WWOX: variants seen among roughly 807,000 people sequenced by gnomAD.
WWOX encodes the protein WW domain containing oxidoreductase.
Under a neutral mutation model 46.2 loss-of-function variants are expected in WWOX, and 69 were observed. The ratio of observed to expected loss-of-function variants is 1.49; its 90% CI spans 1.23 to 1.82. The LOEUF is 1.82. WWOX is among the 40% of genes most tolerant of loss of function. WWOX has a pLI of 0.00. For missense variants in WWOX, 919 were observed against 542.6 expected (o/e 1.69, Z -6.89); for synonymous variants, 359 against 202.6 (o/e 1.77, Z -6.56).
At chr16:78,740,011 G>T (rs755303079) in intron 8 of WWOX, among the ~76,000 whole-genome samples, 5 of 152,090 alleles carry the variant, frequency 3.3e-5, no homozygotes, top group Non-Finnish European at 7.4e-5. Context: ...GTCGAGCCCT[G>T]TGGTGTGCCT....
intron 8 of WWOX, among the ~76,000 whole-genome samples, chr16:79,201,158 G>T (rs2051342018): frequency 6.6e-6 from 1 of 152,042 alleles, no homozygotes; most frequent in South Asian, 2.1e-4. Flanking sequence ...TCTGGCTTCA[G>T]CACAGGGGAT....
At chr16:78,964,164 T>A (rs368474736) in intron 8 of WWOX, among the ~76,000 whole-genome samples, 4 of 152,152 alleles carry the variant, frequency 2.6e-5, no homozygotes, top group African/African-American at 9.7e-5. Flanking sequence ...TGAAAAGATA[T>A]CTGAAAATGT....
intron 8 of WWOX, among the ~76,000 whole-genome samples, chr16:78,697,905 G>A (rs189892727): frequency 6.6e-6 from 1 of 152,154 alleles, no homozygotes; most frequent in African/African-American, 2.4e-5. Context: ...AAGAGGTTTA[G>A]TAATGTGCTT....
chr16:78,822,662 T>G (rs1452786484), intron 8 of WWOX, among the ~76,000 whole-genome samples: 2 of 152,224 alleles, frequency 1.3e-5, no homozygotes, highest in South Asian at 4.1e-4. Flanking sequence ...TTTGAATCTT[T>G]CCATGATGAG....
chr16:78,949,502 G>T (rs193241273), intron 8 of WWOX, among the ~76,000 whole-genome samples: 1 of 152,242 alleles, frequency 6.6e-6, no homozygotes, highest in African/African-American at 2.4e-5. Context: ...TGCTTTTGTG[G>T]GATGATGAGT....
chr16:79,006,842 T>C (rs1392071281), intron 8 of WWOX, among the ~76,000 whole-genome samples: 1 of 152,188 alleles, frequency 6.6e-6, no homozygotes, highest in African/African-American at 2.4e-5. Flanking sequence ...CTGGCATCCT[T>C]CTGGCTCTCT....
intron 8 of WWOX, among the ~76,000 whole-genome samples, chr16:78,659,553 C>T (rs1306453971): frequency 6.6e-6 from 1 of 152,118 alleles, no homozygotes; most frequent in East Asian, 1.9e-4. Context: ...AAAAAAAAAC[C>T]TTTCGAGACA....
intron 8 of WWOX, among the ~76,000 whole-genome samples, chr16:78,975,387 C>A (rs2046550805): frequency 6.6e-6 from 1 of 151,658 alleles, no homozygotes; most frequent in African/African-American, 2.4e-5. Flanking sequence ...ACCCTTGCAA[C>A]AAAATCTTAC....
chr16:78,706,670 G>A (rs894860304), intron 8 of WWOX, among the ~76,000 whole-genome samples: 2 of 152,162 alleles, frequency 1.3e-5, no homozygotes. Flanking sequence ...GAGAGGAAAG[G>A]CTCTTTCAGC....
intron 8 of WWOX, among the ~76,000 whole-genome samples, chr16:78,661,341 C>T (rs570840777): frequency 3.3e-5 from 5 of 152,270 alleles, no homozygotes; most frequent in Admixed American, 6.5e-5. Context: ...GCTATTGTAT[C>T]GTAAGGTTCT....
chr16:78,784,853 C>T (rs372425435), intron 8 of WWOX, among the ~76,000 whole-genome samples: 1 of 152,096 alleles, frequency 6.6e-6, no homozygotes, highest in Non-Finnish European at 1.5e-5. Flanking sequence ...TTGAAGGTGT[C>T]TATGTGTTCT....
At chr16:78,790,801 CT>C (rs370342679) in intron 8 of WWOX, among the ~76,000 whole-genome samples, 179 of 152,036 alleles carry the variant, frequency 1.2e-3, no homozygotes, top group African/African-American at 4.3e-3. Context: ...GGGAGGATCA[CT>C]TAAGCCTAGG....
At chr16:79,115,564 C>T (rs933833553) in intron 8 of WWOX, among the ~76,000 whole-genome samples, 1 of 152,168 alleles carries the variant, frequency 6.6e-6, no homozygotes, top group African/African-American at 2.4e-5. Flanking sequence ...AAACTCAAAA[C>T]AAGCCAGTAA....
intron 8 of WWOX, among the ~76,000 whole-genome samples, chr16:78,567,375 C>G (rs566870675): frequency 3.3e-4 from 49 of 150,420 alleles, no homozygotes; most frequent in Admixed American, 1.3e-3. Flanking sequence ...AAAACCCCGT[C>G]TCTACTAAAA....
intron 5 of WWOX, among the ~76,000 whole-genome samples, chr16:78,350,445 C>G (rs537722866): frequency 1.7e-5 from 2 of 120,976 alleles, no homozygotes; most frequent in South Asian, 2.5e-4. Context: ...TCCCCACTTC[C>G]TTTTCTCTCC....
chr16:78,669,482 G>T (rs1457197862), intron 8 of WWOX, among the ~76,000 whole-genome samples: 1 of 152,166 alleles, frequency 6.6e-6, no homozygotes, highest in African/African-American at 2.4e-5. Context: ...TCATCTAATG[G>T]GTCAAGGCCA....
At chr16:79,036,188 C>A (rs770920755) in intron 8 of WWOX, among the ~76,000 whole-genome samples, 11 of 152,186 alleles carry the variant, frequency 7.2e-5, no homozygotes, top group Admixed American at 6.5e-5. Context: ...TCACCCTCTT[C>A]AAGTAGCGTC....
At chr16:78,964,793 C>G (rs1416799813) in intron 8 of WWOX, among the ~76,000 whole-genome samples, 1 of 152,156 alleles carries the variant, frequency 6.6e-6, no homozygotes, top group Non-Finnish European at 1.5e-5. Flanking sequence ...TTTCATGGGC[C>G]CAGCCCTGGG....
intron 8 of WWOX, among the ~76,000 whole-genome samples, chr16:79,026,612 C>G (rs1350050269): frequency 8.1e-6 from 1 of 123,360 alleles, no homozygotes; most frequent in East Asian, 2.2e-4. Flanking sequence ...ATGTGGTAGA[C>G]TCTTTTTTTT....
Sources: gnomAD v4.1 joint callset for allele counts (sites outside exome capture counted in the v4.1 genomes callset) on GRCh38, gnomAD v4.1.1 for gene constraint, MANE v1.5 for transcripts, NCBI Gene and HGNC (gene_info 2026-07-23, HGNC 2026-07-21) for gene names.